LHFPL3: variants seen among roughly 807,000 people sequenced by gnomAD.
The protein encoded by LHFPL3 is LHFPL tetraspan subfamily member 3 protein.
A neutral mutation model predicts 19.3 loss-of-function variants in LHFPL3; 5 were observed. The observed-to-expected ratio is 0.26, with a 90% CI of 0.14 to 0.54. The LOEUF (loss-of-function observed/expected upper bound fraction) is 0.54, where lower values mean the gene tolerates loss of function less well. Among genes scored for constraint, LHFPL3 ranks in the 20% least tolerant of loss-of-function variants. The pLI, the probability that LHFPL3 is intolerant of heterozygous loss-of-function variation, is 0.94. For synonymous variants in LHFPL3, 133 were observed against 126.2 expected (o/e 1.05, Z -0.36); for missense variants, 249 against 307.4 (o/e 0.81, Z 1.42).
At chr7:104,700,393 G>A (rs958110220) in intron 1 of LHFPL3, among the ~76,000 whole-genome samples, 5 of 152,138 alleles carry the variant, frequency 3.3e-5, no homozygotes, top group African/African-American at 9.7e-5. Context: ...AGTCAAGGTC[G>A]TCACTCTTCT....
chr7:104,343,879 T>A (rs570941969), intron 1 of LHFPL3, among the ~76,000 whole-genome samples: 3 of 152,148 alleles, frequency 2.0e-5, no homozygotes, highest in African/African-American at 7.2e-5. Context: ...TATTTTCTTA[T>A]AGTTTTATCA....
chr7:104,667,459 G>C (rs1050037467), intron 1 of LHFPL3, among the ~76,000 whole-genome samples: 2 of 152,118 alleles, frequency 1.3e-5, no homozygotes, highest in African/African-American at 4.8e-5. Context: ...CCCAGCGGCC[G>C]CTTCTACTCT....
At chr7:104,495,298 C>A (rs1298541518) in intron 1 of LHFPL3, among the ~76,000 whole-genome samples, 1 of 152,162 alleles carries the variant, frequency 6.6e-6, no homozygotes, top group African/African-American at 2.4e-5. Context: ...GCCTTGAACA[C>A]CTGTGCTGAA....
At chr7:104,567,278 G>T (rs999265837) in intron 1 of LHFPL3, among the ~76,000 whole-genome samples, 4 of 152,090 alleles carry the variant, frequency 2.6e-5, no homozygotes, top group Non-Finnish European at 4.4e-5. Context: ...ATGTGCCATG[G>T]GGCAGTGTTT....
chr7:104,556,447 C>A (rs191893398), intron 1 of LHFPL3, among the ~76,000 whole-genome samples: 1 of 152,182 alleles, frequency 6.6e-6, no homozygotes, highest in East Asian at 1.9e-4. Context: ...GAGGTTCCAC[C>A]CTTTGAAGCA....
intron 1 of LHFPL3, among the ~76,000 whole-genome samples, chr7:104,620,349 A>C (rs1180617230): frequency 6.6e-6 from 1 of 152,232 alleles, no homozygotes. Context: ...GTGATTGTTA[A>C]GAGTTTTAGA....
At chr7:104,435,560 A>ATT (rs35738483) in intron 1 of LHFPL3, among the ~76,000 whole-genome samples, 11 of 143,920 alleles carry the variant, frequency 7.6e-5, no homozygotes, top group African/African-American at 2.5e-5. Flanking sequence ...TTCTTTCTAG[A>ATT]TTTTTTTTTT....
intron 1 of LHFPL3, among the ~76,000 whole-genome samples, chr7:104,468,038 A>G (rs964462593): frequency 6.6e-6 from 1 of 152,242 alleles, no homozygotes; most frequent in African/African-American, 2.4e-5. Context: ...TTAAGCAGAA[A>G]GATTTAATGC....
chr7:104,604,000 C>A (rs564333232), intron 1 of LHFPL3, among the ~76,000 whole-genome samples: 1 of 152,156 alleles, frequency 6.6e-6, no homozygotes, highest in Non-Finnish European at 1.5e-5. Flanking sequence ...CTACAGTTCT[C>A]GTGTCTAAGG....
intron 1 of LHFPL3, among the ~76,000 whole-genome samples, chr7:104,636,570 C>G (rs1791732483): frequency 6.6e-6 from 1 of 152,044 alleles, no homozygotes; most frequent in African/African-American, 2.4e-5. Context: ...TCTGCTGTTC[C>G]CCTCTTTGTG....
At chr7:104,563,334 A>T (rs1241021416) in intron 1 of LHFPL3, among the ~76,000 whole-genome samples, 3 of 152,224 alleles carry the variant, frequency 2.0e-5, no homozygotes, top group African/African-American at 7.2e-5. Flanking sequence ...AATCAGCGAG[A>T]CTCCGTGGGC....
chr7:104,726,668 C>CT (rs1266012668), intron 1 of LHFPL3, among the ~76,000 whole-genome samples: 3 of 152,042 alleles, frequency 2.0e-5, no homozygotes, highest in Non-Finnish European at 4.4e-5. Flanking sequence ...GATTTCAGTC[C>CT]TTTTTATGGA....
At chr7:104,848,450 A>G (rs1392852223) in intron 2 of LHFPL3, among the ~76,000 whole-genome samples, 2 of 152,184 alleles carry the variant, frequency 1.3e-5, no homozygotes, top group Non-Finnish European at 2.9e-5. Flanking sequence ...GGCAAGAGTC[A>G]CGAGCTCTTT....
chr7:104,835,583 C>T (rs371540035), intron 2 of LHFPL3, among the ~76,000 whole-genome samples: 8 of 143,804 alleles, frequency 5.6e-5, no homozygotes, highest in South Asian at 2.1e-4. Context: ...ACTTTGTTTT[C>T]TTTTTTTTTT....
chr7:104,438,455 T>C (rs1455315035), intron 1 of LHFPL3, among the ~76,000 whole-genome samples: 1 of 152,242 alleles, frequency 6.6e-6, no homozygotes, highest in Non-Finnish European at 1.5e-5. Flanking sequence ...ATCATTCCTT[T>C]AGAGACTTAC....
intron 1 of LHFPL3, among the ~76,000 whole-genome samples, chr7:104,391,621 C>T (rs1254536699): frequency 3.9e-5 from 6 of 152,070 alleles, no homozygotes; most frequent in East Asian, 3.8e-4. Flanking sequence ...GGTAGTGTGA[C>T]GCCTCTAGCT....
At chr7:104,624,100 A>G (rs921591965) in intron 1 of LHFPL3, among the ~76,000 whole-genome samples, 4 of 152,214 alleles carry the variant, frequency 2.6e-5, no homozygotes, top group South Asian at 2.1e-4. Context: ...GATAGTAAGC[A>G]TTGAATATTT....
chr7:104,567,765 G>C (rs1252598864), intron 1 of LHFPL3, among the ~76,000 whole-genome samples: 1 of 152,172 alleles, frequency 6.6e-6, no homozygotes, highest in Non-Finnish European at 1.5e-5. Flanking sequence ...ACCTGCTCCA[G>C]TTGATCCTTG....
At chr7:104,597,624 T>C (rs529120658) in intron 1 of LHFPL3, among the ~76,000 whole-genome samples, 1 of 152,332 alleles carries the variant, frequency 6.6e-6, no homozygotes, top group South Asian at 2.1e-4. Context: ...TTAATTGAAG[T>C]CTGAAATGGA....
Sources: allele counts gnomAD v4.1 joint callset (sites outside exome capture counted in the v4.1 genomes callset), GRCh38; gene constraint gnomAD v4.1.1; transcripts MANE v1.5; gene names NCBI Gene and HGNC (gene_info 2026-07-23, HGNC 2026-07-21).